The following AFF4 variants were observed in gnomAD, a reference collection of about 807,000 sequenced individuals.
AFF4 encodes ALF transcription elongation factor 4.
In AFF4, 13 loss-of-function variants were observed where a neutral mutation model predicts 124.8. That is an observed-to-expected ratio of 0.10 (90% CI 0.07 to 0.17). AFF4 has a LOEUF of 0.17. AFF4 is among the 10% of genes least tolerant of loss of function. The pLI is 1.00. For synonymous variants in AFF4, 477 were observed against 496.1 expected, an observed-to-expected ratio of 0.96 and a Z score of 0.51; for missense variants, 1,092 against 1,403.8, an observed-to-expected ratio of 0.78 and a Z score of 3.55.
At chr5:132,928,075 A>T (rs1348292183) in intron 4 of AFF4, among the ~76,000 whole-genome samples, 1 of 152,304 alleles carries the variant, frequency 6.6e-6, no homozygotes, top group African/African-American at 2.4e-5. Flanking sequence ...TGTAACACCT[A>T]GGAATTTATC....
chr5:132,892,955 T>C, intron 12 of AFF4, 75 bp downstream of exon 12: 1 of 1,363,288 alleles, frequency 7.3e-7, no homozygotes, highest in Non-Finnish European at 1.0e-6. Context: ...ACTCAGAGCA[T>C]GTCAGAAAGT....
intron 1 of AFF4, among the ~76,000 whole-genome samples, chr5:132,957,326 T>C (rs2150114779): frequency 6.6e-6 from 1 of 151,934 alleles, no homozygotes; most frequent in South Asian, 2.1e-4. Flanking sequence ...GGTAACCGAG[T>C]GCAGTCCTGT....
chr5:132,935,943 T>C (rs1439362698), intron 2 of AFF4, among the ~76,000 whole-genome samples: 3 of 151,502 alleles, frequency 2.0e-5, no homozygotes, highest in Admixed American at 1.3e-4. Flanking sequence ...AAAAAAACTT[T>C]TGAAGAACAG....
chr5:132,904,069 A>C (rs1165637686), intron 6 of AFF4: 1 of 264,968 alleles, frequency 3.8e-6, no homozygotes, highest in East Asian at 7.3e-5. Context: ...CAGCCTGTGC[A>C]ACATAGTGAG....
intron 1 of AFF4, among the ~76,000 whole-genome samples, chr5:132,947,485 T>G (rs1761728364): frequency 6.6e-6 from 1 of 151,690 alleles, no homozygotes; most frequent in South Asian, 2.1e-4. Flanking sequence ...TTTGTTACAA[T>G]GTTTTTTGTT....
chr5:132,886,880 TTCCACC>T (rs1760132545), intron 17 of AFF4, among the ~76,000 whole-genome samples: 1 of 152,192 alleles, frequency 6.6e-6, no homozygotes, highest in Admixed American at 6.5e-5. Flanking sequence ...TCCCATTCCT[TTCCACC>T]ATCCAGCCCT....
At chr5:132,919,167 T>G (rs1760983266) in intron 5 of AFF4, among the ~76,000 whole-genome samples, 1 of 152,202 alleles carries the variant, frequency 6.6e-6, no homozygotes, top group African/African-American at 2.4e-5. Flanking sequence ...ATTACAGGTG[T>G]GAGCCACTGT....
intron 3 of AFF4, among the ~76,000 whole-genome samples, chr5:132,933,629 C>T (rs1450498379): frequency 1.3e-5 from 2 of 152,124 alleles, no homozygotes; most frequent in Non-Finnish European, 2.9e-5. Flanking sequence ...TTCAAACCAT[C>T]ACTATGAACC....
At chr5:132,940,950 TCAGGAGG>T (rs1761554341) in intron 1 of AFF4, among the ~76,000 whole-genome samples, 2 of 151,306 alleles carry the variant, frequency 1.3e-5, no homozygotes, top group African/African-American at 4.9e-5. Flanking sequence ...AAGCTTGAAC[TCAGGAGG>T]CGGAGGTTGC....
rs1761375669 is a variant in AFF4 at position 132,934,451 on chromosome 5, T to G, written c.614A>C (p.Lys205Thr). 1 of 1,614,064 alleles carries G rather than the reference T, an allele frequency of 6.2e-7. No homozygotes were observed. Among genetic ancestry groups the G allele is most frequent in the South Asian group, 1.1e-5 (1 of 91,090 alleles). Reference protein sequence around the residue: ...SRSHGNDHHSKEHQRSKSPRD... With the variant: ...SRSHGNDHHSTEHQRSKSPRD... ...AGGTGATTTGGAGCGTTGATGTTCC[T>G]TGCTATGGTGATCATTCCCATGAGA... Residue 205 changes from lysine to threonine, a missense_variant, in exon 3 of 21, where the codon AAG (lysine) becomes ACG (threonine). Transcript: ENST00000265343.
At chr5:132,898,196 G>A (rs779719842) in intron 10 of AFF4, 34 bp downstream of exon 10, 1 of 1,611,928 alleles carries the variant, frequency 6.2e-7, no homozygotes, top group Non-Finnish European at 8.5e-7. Flanking sequence ...CCCTGAGAGG[G>A]CCTGTGGAAG....
intron 1 of AFF4, among the ~76,000 whole-genome samples, chr5:132,952,318 C>T (rs1284140909): frequency 6.6e-6 from 1 of 152,242 alleles, no homozygotes; most frequent in African/African-American, 2.4e-5. Flanking sequence ...CGATTTCCCA[C>T]ATCATATTTC....
At chr5:132,894,734 G>A (rs1190230696) in intron 11 of AFF4, among the ~76,000 whole-genome samples, 8 of 152,088 alleles carry the variant, frequency 5.3e-5, no homozygotes, top group Non-Finnish European at 1.0e-4. Context: ...GGCTGAGGTG[G>A]GAGGACTGCT....
At chr5:132,932,289 T>A in intron 3 of AFF4, 67 bp from the exon 4 acceptor site, 1 of 1,354,492 alleles carries the variant, frequency 7.4e-7, no homozygotes, top group Non-Finnish European at 1.0e-6. Flanking sequence ...TTCACAGATT[T>A]AAAAACATTA....
chr5:132,933,442 G>A (rs1304809416), intron 3 of AFF4, among the ~76,000 whole-genome samples: 2 of 151,756 alleles, frequency 1.3e-5, no homozygotes, highest in Admixed American at 6.6e-5. Context: ...AGGCATGATG[G>A]TCATGTCTGT....
Position 132,880,992 on chromosome 5 carries a change from G to T in AFF4, c.*67C>A. 1 of 1,561,008 alleles carries T rather than the reference G, an allele frequency of 6.4e-7. No individual in the cohort carries two copies. The highest frequency in any genetic ancestry group is 1.4e-5 in the African/African-American group (1 of 72,850). Reference sequence around the variant, plus strand: ...AGTGTCGACTAGGTGGTATGTTATGGCAGTTTTCCTTCGTGATGTGACACA... The same window carrying T: ...AGTGTCGACTAGGTGGTATGTTATGTCAGTTTTCCTTCGTGATGTGACACA... On this transcript the variant is annotated 3_prime_UTR_variant, in exon 21 of 21. Coordinates refer to ENST00000265343, the MANE Select transcript of AFF4 (RefSeq NM_014423.4).
At chr5:132,919,816 C>G (rs1006726969) in intron 5 of AFF4, among the ~76,000 whole-genome samples, 3 of 152,098 alleles carry the variant, frequency 2.0e-5, no homozygotes, top group African/African-American at 7.2e-5. Flanking sequence ...CACCACTGCA[C>G]TCCAGCCTGG....
chr5:132,937,268 C>A (rs927472294), intron 1 of AFF4, 75 bp from the exon 2 acceptor site: 1 of 1,444,958 alleles, frequency 6.9e-7, no homozygotes, highest in Non-Finnish European at 9.2e-7. Context: ...ATTTTGTCAG[C>A]TTAACACTTC....
intron 1 of AFF4, among the ~76,000 whole-genome samples, chr5:132,958,975 A>G (rs1247315400): frequency 6.6e-6 from 1 of 152,210 alleles, no homozygotes. Flanking sequence ...TACCTGTCCT[A>G]GGAAATGATT....
Sources: allele counts gnomAD v4.1 joint callset (sites outside exome capture counted in the v4.1 genomes callset), GRCh38; gene constraint gnomAD v4.1.1; transcripts MANE v1.5; gene names NCBI Gene and HGNC (gene_info 2026-07-23, HGNC 2026-07-21).